Variants in FHIT observed in about 807,000 individuals in gnomAD.
FHIT encodes fragile histidine triad diadenosine triphosphatase.
FHIT carries 19 observed loss-of-function variants against 17.9 expected under a neutral mutation model. The observed-to-expected ratio is 1.06, with a 90% CI of 0.74 to 1.56. The LOEUF (loss-of-function observed/expected upper bound fraction) is 1.56, where lower values mean the gene tolerates loss of function less well. Ranked by LOEUF, FHIT falls within the 40% of genes most tolerant of loss-of-function variation. FHIT has a pLI of 0.00. For synonymous variants in FHIT, 81 were observed against 69.7 expected (o/e 1.16, Z -0.81); for missense variants, 248 against 189.2 (o/e 1.31, Z -1.82).
chr3:59,991,649 G>C (rs1049542539), intron 7 of FHIT, among the ~76,000 whole-genome samples: 3 of 151,886 alleles, frequency 2.0e-5, no homozygotes, highest in Non-Finnish European at 4.4e-5. Flanking sequence ...CCTTCCATCA[G>C]TCCTGAATGC....
intron 7 of FHIT, among the ~76,000 whole-genome samples, chr3:59,975,692 T>C (rs148289087): frequency 2.7e-4 from 41 of 152,122 alleles, no homozygotes; most frequent in Non-Finnish European, 4.7e-4. Flanking sequence ...CAAGAGATAC[T>C]AGCCTAGAAA....
chr3:60,128,731 C>A (rs185126441), intron 5 of FHIT, among the ~76,000 whole-genome samples: 1 of 152,148 alleles, frequency 6.6e-6, no homozygotes, highest in Non-Finnish European at 1.5e-5. Context: ...TTAGCAGAGT[C>A]TGTGATTTGG....
chr3:60,087,168 G>C (rs929067311), intron 5 of FHIT, among the ~76,000 whole-genome samples: 2 of 152,208 alleles, frequency 1.3e-5, no homozygotes, highest in Non-Finnish European at 2.9e-5. Flanking sequence ...GCTGGAGCCA[G>C]AGCAGCTGGG....
intron 8 of FHIT, among the ~76,000 whole-genome samples, chr3:59,865,435 A>C (rs1051323247): frequency 2.0e-5 from 3 of 152,226 alleles, no homozygotes; most frequent in African/African-American, 7.2e-5. Context: ...GTTAATCCTA[A>C]TGTCTGATGC....
chr3:61,040,809 A>C (rs1201600076), intron 3 of FHIT, among the ~76,000 whole-genome samples: 3 of 152,178 alleles, frequency 2.0e-5, no homozygotes, highest in African/African-American at 7.2e-5. Flanking sequence ...AATAAGAGCC[A>C]CTTATACCTT....
intron 5 of FHIT, among the ~76,000 whole-genome samples, chr3:60,228,951 G>C (rs1215409394): frequency 6.6e-6 from 1 of 152,172 alleles, no homozygotes; most frequent in Non-Finnish European, 1.5e-5. Context: ...CAAGGAAGTT[G>C]CTGAGCCACT....
At chr3:59,987,623 G>A (rs1709043613) in intron 7 of FHIT, among the ~76,000 whole-genome samples, 1 of 151,974 alleles carries the variant, frequency 6.6e-6, no homozygotes, top group Non-Finnish European at 1.5e-5. Flanking sequence ...ATTTGAGCGA[G>A]GCTGACTCTT....
chr3:60,040,107 T>C (rs777401335), intron 5 of FHIT, among the ~76,000 whole-genome samples: 34 of 152,240 alleles, frequency 2.2e-4, no homozygotes, highest in Non-Finnish European at 3.5e-4. Context: ...TGTCAAAAAA[T>C]TGATGTCACC....
chr3:59,773,786 A>ATACTT (rs1179164038), intron 8 of FHIT, among the ~76,000 whole-genome samples: 1 of 152,106 alleles, frequency 6.6e-6, no homozygotes, highest in African/African-American at 2.4e-5. Flanking sequence ...TGATTCCTCA[A>ATACTT]TACTTTAAAG....
chr3:60,486,693 C>A (rs1250869967), intron 5 of FHIT, among the ~76,000 whole-genome samples: 1 of 152,146 alleles, frequency 6.6e-6, no homozygotes, highest in African/African-American at 2.4e-5. Context: ...CAAAGATGTA[C>A]TTTTGATGAA....
chr3:60,890,528 T>A (rs1006961881), intron 3 of FHIT, among the ~76,000 whole-genome samples: 6 of 152,200 alleles, frequency 3.9e-5, no homozygotes, highest in African/African-American at 1.4e-4. Flanking sequence ...CAGCAATCAA[T>A]AACTGAAACA....
intron 5 of FHIT, among the ~76,000 whole-genome samples, chr3:60,021,397 C>T (rs951142224): frequency 5.9e-5 from 9 of 152,110 alleles, no homozygotes; most frequent in Non-Finnish European, 7.4e-5. Flanking sequence ...CAGGGGAGTC[C>T]GCAGCCCGAT....
At chr3:61,174,825 A>C (rs757289570) in intron 2 of FHIT, among the ~76,000 whole-genome samples, 2 of 152,236 alleles carry the variant, frequency 1.3e-5, no homozygotes, top group Non-Finnish European at 2.9e-5. Context: ...ATTCTATACA[A>C]TACATACTTG....
chr3:59,828,250 C>G (rs1355232097), intron 8 of FHIT, among the ~76,000 whole-genome samples: 1 of 152,256 alleles, frequency 6.6e-6, no homozygotes, highest in East Asian at 1.9e-4. Context: ...TCATCAGAAA[C>G]AAGAAACAAA....
intron 2 of FHIT, among the ~76,000 whole-genome samples, chr3:61,147,479 C>G (rs2037259106): frequency 6.6e-6 from 1 of 151,900 alleles, no homozygotes; most frequent in Non-Finnish European, 1.5e-5. Flanking sequence ...GGTTCTTCTG[C>G]AAGGAATCTT....
intron 5 of FHIT, among the ~76,000 whole-genome samples, chr3:60,277,998 T>A (rs1421734028): frequency 1.3e-5 from 2 of 152,146 alleles, no homozygotes; most frequent in African/African-American, 4.8e-5. Flanking sequence ...CAAACTAGTA[T>A]CCCCAAATTT....
intron 5 of FHIT, among the ~76,000 whole-genome samples, chr3:60,158,190 T>C (rs1044170853): frequency 6.6e-6 from 1 of 152,150 alleles, no homozygotes; most frequent in African/African-American, 2.4e-5. Context: ...GAAACTAACC[T>C]GGCACTCATA....
At chr3:60,270,824 C>A (rs1316896562) in intron 5 of FHIT, among the ~76,000 whole-genome samples, 1 of 152,156 alleles carries the variant, frequency 6.6e-6, no homozygotes, top group Non-Finnish European at 1.5e-5. Flanking sequence ...GGAGGAACAC[C>A]GGCAAGGATT....
At chr3:60,756,817 G>C (rs560898635) in intron 4 of FHIT, among the ~76,000 whole-genome samples, 2 of 152,286 alleles carry the variant, frequency 1.3e-5, no homozygotes, top group East Asian at 1.9e-4. Flanking sequence ...GGCTTAACTG[G>C]AGTTTGGCCA....
Sources: gnomAD v4.1 joint callset for allele counts (sites outside exome capture counted in the v4.1 genomes callset) on GRCh38, gnomAD v4.1.1 for gene constraint, MANE v1.5 for transcripts, NCBI Gene and HGNC (gene_info 2026-07-23, HGNC 2026-07-21) for gene names.